Variants in SMAD6 observed in about 807,000 individuals in gnomAD.
SMAD6 encodes the protein SMAD family member 6.
SMAD6 carries 103 observed loss-of-function variants against 39.4 expected under a neutral mutation model. The ratio of observed to expected loss-of-function variants is 2.62; its 90% CI spans 2.23 to 3.08. The LOEUF is 3.08. SMAD6 is among the 30% of genes most tolerant of loss of function. The pLI is 0.00. For synonymous variants in SMAD6, 445 were observed against 353.3 expected, an observed-to-expected ratio of 1.26 and a Z score of -2.91; for missense variants, 1,104 against 742.9, an observed-to-expected ratio of 1.49 and a Z score of -5.65.
At chr15:66,718,111 C>CGTGTGTGTGTGT (rs57053370) in intron 3 of SMAD6, among the ~76,000 whole-genome samples, 9,290 of 137,114 alleles carry the variant, frequency 0.068, 460 homozygotes, top group Non-Finnish European at 0.087. Context: ...ATGGAAAGTC[C>CGTGTGTGTGTGT]GTGTGTGTGT....
At chr15:66,706,117 A>G (rs1893105344) in intron 1 of SMAD6, 1 of 152,304 alleles carries the variant, frequency 6.6e-6, no homozygotes, top group Non-Finnish European at 1.5e-5. Flanking sequence ...GTACAGGTCA[A>G]GAGATACCTG....
Position 66,781,784 on chromosome 15 carries a change from G to T in SMAD6, c.*249G>T. The T allele has an allele frequency of 2.5e-6, 1 of 399,168 alleles. No homozygotes were observed. The allele number at this position is 399,168 out of a possible 1,614,324, so 24.7% of individuals were successfully genotyped here. ...TGTATATGGACAAAACAAGAAAGAC[G>T]CACTTTGGCTTATAATTCTTTCAAT... is the stretch of plus-strand genomic sequence containing the variant. On this transcript the variant is annotated 3_prime_UTR_variant, in exon 4 of 4. Transcript: ENST00000288840.
chr15:66,733,795 T>C (rs370782582), intron 3 of SMAD6, among the ~76,000 whole-genome samples: 37 of 152,286 alleles, frequency 2.4e-4, no homozygotes, highest in African/African-American at 8.4e-4. Context: ...TTCTTGTCTG[T>C]AAAATGGAAG....
At chr15:66,760,149 T>G (rs73471601) in intron 3 of SMAD6, among the ~76,000 whole-genome samples, 3,518 of 142,618 alleles carry the variant, frequency 0.025, 144 homozygotes, top group African/African-American at 0.084. Flanking sequence ...TTGTTAACCT[T>G]CCTTTTCTAG....
At chr15:66,753,573 T>C (rs1894045071) in intron 3 of SMAD6, among the ~76,000 whole-genome samples, 1 of 152,192 alleles carries the variant, frequency 6.6e-6, no homozygotes, top group Non-Finnish European at 1.5e-5. Flanking sequence ...CTCAAAGTCG[T>C]ACGTACCATA....
chr15:66,756,826 G>A (rs1032223915), intron 3 of SMAD6, among the ~76,000 whole-genome samples: 10 of 152,348 alleles, frequency 6.6e-5, no homozygotes, highest in African/African-American at 2.4e-4. Flanking sequence ...ACAGAGGTGA[G>A]GGTGGAGGAT....
At chr15:66,761,698 G>C (rs1018030017) in intron 3 of SMAD6, among the ~76,000 whole-genome samples, 2 of 152,252 alleles carry the variant, frequency 1.3e-5, no homozygotes, top group African/African-American at 4.8e-5. Flanking sequence ...CTGGGCCTTA[G>C]TTCCCTCTTC....
intron 3 of SMAD6, among the ~76,000 whole-genome samples, chr15:66,718,111 C>CATGT (rs141830522): frequency 2.9e-5 from 4 of 137,158 alleles, no homozygotes; most frequent in Non-Finnish European, 6.2e-5. Flanking sequence ...ATGGAAAGTC[C>CATGT]GTGTGTGTGT....
At chr15:66,746,740 G>A (rs1419604767) in intron 3 of SMAD6, among the ~76,000 whole-genome samples, 1 of 152,148 alleles carries the variant, frequency 6.6e-6, no homozygotes. Context: ...TAATCAAACT[G>A]CTCAGGTGAC....
intron 2 of SMAD6, 33 bp from the exon 3 acceptor site, chr15:66,716,388 C>G: frequency 2.0e-6 from 3 of 1,508,632 alleles, no homozygotes; most frequent in Non-Finnish European, 2.8e-6. Context: ...TGCCCCACGG[C>G]CAACTAAGTT....
intron 3 of SMAD6, among the ~76,000 whole-genome samples, chr15:66,777,521 A>G (rs1894487001): frequency 6.6e-6 from 1 of 152,244 alleles, no homozygotes; most frequent in South Asian, 2.1e-4. Flanking sequence ...ATGATGATGT[A>G]CATCGCAGTC....
intron 3 of SMAD6, among the ~76,000 whole-genome samples, chr15:66,718,317 A>G (rs1893370940): frequency 6.6e-6 from 1 of 152,070 alleles, no homozygotes; most frequent in Admixed American, 6.5e-5. Flanking sequence ...GTCTCAGGAG[A>G]TCCCAAGGCC....
Position 66,703,616 on chromosome 15 carries a change from G to C in SMAD6, c.358G>C (p.Asp120His), listed in dbSNP as rs1397296874. The change falls in exon 1 of 4, where the codon GAC becomes CAC. Residue 120 changes from aspartate to histidine, a missense_variant. Transcript: ENST00000288840. Reference sequence around the variant, plus strand: ...AGGCCCGGGCTGGCTGCCCGAGAGTGACTGCGAGACGGTGACCTGCTGTCT... The same window carrying C: ...AGGCCCGGGCTGGCTGCCCGAGAGTCACTGCGAGACGGTGACCTGCTGTCT... ...PGGPGWLPES[D>H]CETVTCCLFS... is the part of the protein sequence containing the mutation. 8.1e-7 allele frequency: 1 copy of C among 1,230,164 alleles called. No homozygotes were observed. The highest frequency in any genetic ancestry group is 4.3e-5 in the Admixed American group (1 of 23,182). 76.2% of individuals were successfully genotyped at this position (1,230,164 alleles called of 1,614,324 possible).
intron 3 of SMAD6, among the ~76,000 whole-genome samples, chr15:66,777,284 C>T (rs1894483374): frequency 6.6e-6 from 1 of 152,154 alleles, no homozygotes; most frequent in African/African-American, 2.4e-5. Flanking sequence ...TGCCCTAGGG[C>T]CTGAGCCCAG....
chr15:66,729,851 C>T (rs778668753), intron 3 of SMAD6, among the ~76,000 whole-genome samples: 3 of 152,160 alleles, frequency 2.0e-5, no homozygotes, highest in Admixed American at 6.5e-5. Flanking sequence ...GGCGGCACCG[C>T]GGCCGGGCCA....
At chr15:66,734,399 G>C (rs1232992617) in intron 3 of SMAD6, among the ~76,000 whole-genome samples, 1 of 152,136 alleles carries the variant, frequency 6.6e-6, no homozygotes, top group African/African-American at 2.4e-5. Flanking sequence ...CCTCTCCCTT[G>C]GTCACTGCAG....
At chr15:66,722,552 GCCAGCA>G (rs955770423) in intron 3 of SMAD6, among the ~76,000 whole-genome samples, 68 of 152,332 alleles carry the variant, frequency 4.5e-4, no homozygotes, top group African/African-American at 1.6e-3. Context: ...ACCAATTGTG[GCCAGCA>G]CCACCCTGCC....
chr15:66,776,093 C>T (rs902592365), intron 3 of SMAD6, among the ~76,000 whole-genome samples: 1 of 152,244 alleles, frequency 6.6e-6, no homozygotes, highest in African/African-American at 2.4e-5. Context: ...GACATTCAGA[C>T]ATTTGTTGCT....
chr15:66,727,004 A>G (rs1188595963), intron 3 of SMAD6, among the ~76,000 whole-genome samples: 1 of 152,044 alleles, frequency 6.6e-6, no homozygotes, highest in Non-Finnish European at 1.5e-5. Context: ...TCTGTATCAG[A>G]GCCCCTGGCC....
Sources: allele counts gnomAD v4.1 joint callset (sites outside exome capture counted in the v4.1 genomes callset), GRCh38; gene constraint gnomAD v4.1.1; transcripts MANE v1.5; gene names NCBI Gene and HGNC (gene_info 2026-07-23, HGNC 2026-07-21).